TSPAN19: variants seen among roughly 807,000 people sequenced by gnomAD.
The protein encoded by TSPAN19 is tetraspanin-19.
In TSPAN19, 44 loss-of-function variants were observed where a neutral mutation model predicts 35.1. That is an observed-to-expected ratio of 1.25 (90% CI 0.98 to 1.61). TSPAN19 has a LOEUF of 1.61. Among genes scored for constraint, TSPAN19 ranks in the 40% most tolerant of loss-of-function variants. The pLI, the probability that TSPAN19 is intolerant of heterozygous loss-of-function variation, is 0.00. For missense variants in TSPAN19, 290 were observed against 280.0 expected (o/e 1.04, Z -0.26); for synonymous variants, 79 against 92.0 (o/e 0.86, Z 0.81).
Position 85,019,842 on chromosome 12 carries a change from A to G in TSPAN19, c.340-106T>C. The G allele has an allele frequency of 7.0e-6, 4 of 570,376 alleles. No homozygotes were observed. In the South Asian group the frequency reaches 8.2e-5, roughly 12 times the overall value. The allele number at this position is 570,376 out of a possible 1,614,324, so 35.3% of individuals were successfully genotyped here. On this transcript the variant is annotated intron_variant, in intron 5 of 8. Coordinates refer to ENST00000532498, the MANE Select transcript of TSPAN19 (RefSeq NM_001100917.2). Reference sequence around the variant, plus strand: ...AGTACCATCATGAAAAGAATATTCAATATTATTTTTCTGTTTTCTGTTTAT... The same window carrying G: ...AGTACCATCATGAAAAGAATATTCAGTATTATTTTTCTGTTTTCTGTTTAT...
At chr12:85,022,239 A>C (rs1877168636) in intron 5 of TSPAN19, among the ~76,000 whole-genome samples, 1 of 152,056 alleles carries the variant, frequency 6.6e-6, no homozygotes, top group Non-Finnish European at 1.5e-5. Context: ...ACACACACAC[A>C]CATACATTTT....
chr12:85,020,815 T>C (rs1877080537), intron 5 of TSPAN19, among the ~76,000 whole-genome samples: 1 of 152,114 alleles, frequency 6.6e-6, no homozygotes, highest in East Asian at 1.9e-4. Context: ...ATAGATTTCC[T>C]TGGATCTTTA....
chr12:85,015,541 TACACACACACACACACAC>T (rs10549033), intron 8 of TSPAN19: 8 of 146,870 alleles, frequency 5.4e-5, no homozygotes, highest in Non-Finnish European at 1.0e-4. Flanking sequence ...TATGAACATA[TACACACACACACACACAC>T]ACACACACAC....
chr12:85,034,767 G>A (rs1329829233), intron 1 of TSPAN19, among the ~76,000 whole-genome samples: 1 of 152,138 alleles, frequency 6.6e-6, no homozygotes, highest in Non-Finnish European at 1.5e-5. Flanking sequence ...GCGAAATTAT[G>A]ACTAATTGAT....
intron 4 of TSPAN19, among the ~76,000 whole-genome samples, chr12:85,026,600 G>A (rs1011735071): frequency 1.3e-5 from 2 of 152,122 alleles, no homozygotes; most frequent in African/African-American, 4.8e-5. Flanking sequence ...ACTATTAATA[G>A]GAAGCAACTG....
chr12:85,017,704 T>A, intron 6 of TSPAN19, 105 bp from the exon 7 acceptor site: 1 of 805,148 alleles, frequency 1.2e-6, no homozygotes. Flanking sequence ...ACTCATTAAT[T>A]TTTCCCCATG....
At chr12:85,031,611 G>A (rs1877686568) in intron 1 of TSPAN19, among the ~76,000 whole-genome samples, 1 of 152,110 alleles carries the variant, frequency 6.6e-6, no homozygotes, top group Non-Finnish European at 1.5e-5. Flanking sequence ...ATTTATCTCA[G>A]TTCAAAGTAG....
intron 4 of TSPAN19, among the ~76,000 whole-genome samples, chr12:85,025,507 G>A (rs1414810678): frequency 1.3e-5 from 2 of 151,320 alleles, no homozygotes; most frequent in Non-Finnish European, 2.9e-5. Flanking sequence ...TCACCTTTAA[G>A]ACATGGAATA....
intron 1 of TSPAN19, among the ~76,000 whole-genome samples, chr12:85,031,131 T>A (rs1189292784): frequency 6.6e-6 from 1 of 152,092 alleles, no homozygotes; most frequent in East Asian, 1.9e-4. Flanking sequence ...TCGTAAAATC[T>A]CCCAGTGTTC....
chr12:85,018,234 G>T (rs886077772), intron 6 of TSPAN19, among the ~76,000 whole-genome samples: 2 of 151,818 alleles, frequency 1.3e-5, no homozygotes, highest in Non-Finnish European at 2.9e-5. Context: ...TTGTCACTTA[G>T]GAAATAAGAG....
intron 4 of TSPAN19, among the ~76,000 whole-genome samples, chr12:85,026,794 A>G (rs148202261): frequency 1.3e-5 from 2 of 152,158 alleles, no homozygotes; most frequent in East Asian, 3.9e-4. Context: ...TTTGGCACTC[A>G]TGGCCATTCA....
At chr12:85,024,110 T>C (rs1358698154) in intron 4 of TSPAN19, among the ~76,000 whole-genome samples, 1 of 152,140 alleles carries the variant, frequency 6.6e-6, no homozygotes, top group African/African-American at 2.4e-5. Flanking sequence ...AAGCATTTAG[T>C]AGCAAAATGG....
intron 4 of TSPAN19, among the ~76,000 whole-genome samples, chr12:85,025,042 C>G (rs1185343425): frequency 1.3e-5 from 2 of 151,800 alleles, no homozygotes; most frequent in Non-Finnish European, 2.9e-5. Flanking sequence ...ATCTTTACAT[C>G]TATTTAGATG....
At chr12:85,028,045 T>A in intron 3 of TSPAN19, 22 bp from the exon 4 acceptor site, 2 of 1,500,946 alleles carry the variant, frequency 1.3e-6, no homozygotes, top group Non-Finnish European at 1.8e-6. Context: ...ACAAATTTAC[T>A]TATTATGAAG....
At chr12:85,030,006 T>C (rs1877610568) in intron 1 of TSPAN19, 33 bp from the exon 2 acceptor site, 2 of 1,331,434 alleles carry the variant, frequency 1.5e-6, no homozygotes, top group Admixed American at 5.9e-5. Flanking sequence ...TTAAACATTC[T>C]ACACAACAAC....
Position 85,017,439 on chromosome 12 carries a change from C to T in TSPAN19, c.594+17G>A. ...AAAATACTATAAATACTTGTAGAAG[C>T]CTAGATTTATCTTTACCTCAAGGTA... is the stretch of plus-strand genomic sequence containing the variant. On this transcript the variant is annotated intron_variant, in intron 7 of 8. Coordinates refer to ENST00000532498, the MANE Select transcript of TSPAN19 (RefSeq NM_001100917.2). 4 of 1,598,142 alleles carry T rather than the reference C, an allele frequency of 2.5e-6. No homozygotes were observed. Among genetic ancestry groups the T allele is most frequent in the Non-Finnish European group, 3.4e-6 (4 of 1,172,180 alleles).
chr12:85,030,324 A>C (rs1007105054), intron 1 of TSPAN19, among the ~76,000 whole-genome samples: 1 of 152,070 alleles, frequency 6.6e-6, no homozygotes, highest in Non-Finnish European at 1.5e-5. Context: ...TGTATTTTTA[A>C]ATTTTTATTT....
At position 85,020,250 on chromosome 12, in the gene TSPAN19, G is replaced by A. The variant is rs564817041; in HGVS notation, c.340-514C>T. Among the ~76,000 whole-genome samples, 18 of 151,330 alleles carry A rather than the reference G, an allele frequency of 1.2e-4. No individual in the cohort carries two copies. The South Asian group carries it at 3.6e-3, about 30-fold the overall frequency. On this transcript the variant is annotated intron_variant, in intron 5 of 8. Coordinates refer to ENST00000532498, the MANE Select transcript of TSPAN19 (RefSeq NM_001100917.2). ...GGTCAGACAAATGTACATTTTTCTC[G>A]GTGAAGGTATATTTAATTCCTTCTC...
Position 85,019,645 on chromosome 12 carries a change from A to T in TSPAN19, c.431T>A (p.Leu144Gln), listed in dbSNP as rs372170055. The T allele has an allele frequency of 1.9e-6, 3 of 1,603,056 alleles. No individual in the cohort carries two copies. In the South Asian group the frequency reaches 3.3e-5, roughly 18 times the overall value. ...KPEDITKWTILNALQKTLQCC... is the reference protein window; with the variant it reads ...KPEDITKWTIQNALQKTLQCC... ...TCTTACTGTTTTCTGTAAGGCATTCAGAATAGTCCACTTGGTTATATCTTC... is the reference window on the plus strand; with the variant it reads ...TCTTACTGTTTTCTGTAAGGCATTCTGAATAGTCCACTTGGTTATATCTTC... Residue 144 changes from leucine (L) to glutamine (Q), a missense_variant, in exon 6 of 9, where the codon CTG becomes CAG. Transcript: ENST00000532498.
Sources: allele counts gnomAD v4.1 joint callset (sites outside exome capture counted in the v4.1 genomes callset), GRCh38; gene constraint gnomAD v4.1.1; transcripts MANE v1.5; gene names NCBI Gene and HGNC (gene_info 2026-07-23, HGNC 2026-07-21).